TOX4: variants seen among roughly 807,000 people sequenced by gnomAD.
TOX4 encodes TOX high mobility group box family member 4, also known as epidermal Langerhans cell protein LCP1.
A neutral mutation model predicts 61.0 loss-of-function variants in TOX4; 12 were observed. That is an observed-to-expected ratio of 0.20 (90% CI 0.13 to 0.32). TOX4 has a LOEUF of 0.32. Ranked by LOEUF, TOX4 falls within the 10% of genes least tolerant of loss-of-function variation. The pLI, the probability that TOX4 is intolerant of heterozygous loss-of-function variation, is 1.00. For synonymous variants in TOX4, 268 were observed against 274.8 expected, an observed-to-expected ratio of 0.98 and a Z score of 0.24; for missense variants, 499 against 753.3, an observed-to-expected ratio of 0.66 and a Z score of 3.95.
rs1265013237 is a variant in TOX4 at position 21,496,834 on chromosome 14, A to G, written c.*228A>G. On this transcript the variant is annotated 3_prime_UTR_variant, in exon 9 of 9. Coordinates refer to ENST00000448790, the MANE Select transcript of TOX4 (RefSeq NM_014828.4). ...ACTTTCAACCATAAGCGGTAATAGC[A>G]GAGGAAAGGGTGAAGGGAGTCTGGG... 2.0e-6 allele frequency: 1 copy of G among 493,834 alleles called. No individual in the cohort carries two copies. Among genetic ancestry groups the G allele is most frequent in the African/African-American group, 2.0e-5 (1 of 51,260 alleles). 30.6% of individuals were successfully genotyped at this position (493,834 alleles called of 1,614,324 possible). A position where few individuals can be genotyped will look rare whatever the true frequency, so the allele number is the denominator to read the frequency against.
At chr14:21,481,570 CT>C (rs1298060086) in intron 2 of TOX4, among the ~76,000 whole-genome samples, 4 of 152,206 alleles carry the variant, frequency 2.6e-5, no homozygotes, top group Non-Finnish European at 1.5e-5. Context: ...ACATGCCCCC[CT>C]AACCTATGAC....
In TOX4 at chr14:21,498,179, G is replaced by A; in HGVS notation, c.*1573G>A. 2.4e-6 allele frequency: 2 copies of A among 830,746 alleles called. No individual in the cohort carries two copies. The highest frequency in any genetic ancestry group is 1.5e-5 in the South Asian group (1 of 67,670). The allele number at this position is 830,746 out of a possible 1,614,324, so 51.5% of individuals were successfully genotyped here. A position where few individuals can be genotyped will look rare whatever the true frequency, so the allele number is the denominator to read the frequency against. ...AATGTTTATTTAAATAAAGAAGAAA[G>A]CTATTGTACAAATATCACTCTTCAG... On this transcript the variant is annotated 3_prime_UTR_variant, in exon 9 of 9. Transcript: ENST00000448790.
At chr14:21,478,802 T>C (rs1405658930) in intron 2 of TOX4, among the ~76,000 whole-genome samples, 1 of 151,632 alleles carries the variant, frequency 6.6e-6, no homozygotes, top group African/African-American at 2.4e-5. Context: ...TAGTTTAACT[T>C]TTTTTTTCTT....
intron 2 of TOX4, among the ~76,000 whole-genome samples, chr14:21,480,756 T>C (rs1037425532): frequency 1.3e-5 from 2 of 152,180 alleles, no homozygotes; most frequent in Non-Finnish European, 2.9e-5. Flanking sequence ...ATTCAGAATA[T>C]ATCAAGTACT....
In TOX4 at chr14:21,496,858, G is replaced by T; in HGVS notation, c.*252G>T. ...CAGAGGAAAGGGTGAAGGGAGTCTG[G>T]GCAAGCAAAGCATAGAGATGGTGGG... On this transcript the variant is annotated 3_prime_UTR_variant, in exon 9 of 9. Coordinates refer to ENST00000448790, the MANE Select transcript of TOX4 (RefSeq NM_014828.4). 4.8e-6 allele frequency: 2 copies of T among 419,852 alleles called. No homozygotes were observed. Among genetic ancestry groups the T allele is most frequent in the Admixed American group, 4.1e-5 (1 of 24,540 alleles). The allele number at this position is 419,852 out of a possible 1,614,324, so 26.0% of individuals were successfully genotyped here. A position where few individuals can be genotyped will look rare whatever the true frequency, so the allele number is the denominator to read the frequency against.
chr14:21,498,388 AG>A lies in TOX4; in HGVS notation c.*1786del. On this transcript the variant is annotated 3_prime_UTR_variant, in exon 9 of 9. Transcript: ENST00000448790. ...GGTGATCCTGAAACAGTGTAAAAGG[AG>A]GGGCAAACCAGAAATCCTGGAATTA... The A allele has an allele frequency of 6.2e-7, 1 of 1,612,362 alleles. No homozygotes were observed. The highest frequency in any genetic ancestry group is 8.5e-7 in the Non-Finnish European group (1 of 1,179,314).
chr14:21,478,410 T>C (rs1202170284), intron 2 of TOX4, among the ~76,000 whole-genome samples: 1 of 152,264 alleles, frequency 6.6e-6, no homozygotes, highest in African/African-American at 2.4e-5. Context: ...ACTTCATCTT[T>C]GTATGTCACA....
chr14:21,483,654 G>A (rs61973220), intron 2 of TOX4, among the ~76,000 whole-genome samples: 39,974 of 151,336 alleles, frequency 0.26, 5,457 homozygotes, highest in Middle Eastern at 0.34. Flanking sequence ...CAGCCTGGGC[G>A]ACAGGGTAAG....
intron 7 of TOX4, among the ~76,000 whole-genome samples, chr14:21,494,029 G>A (rs972695880): frequency 3.3e-5 from 5 of 152,136 alleles, no homozygotes; most frequent in Non-Finnish European, 7.4e-5. Context: ...GATTACAGGC[G>A]TGAGCCACCG....
intron 2 of TOX4, among the ~76,000 whole-genome samples, chr14:21,480,615 C>T (rs1319017541): frequency 6.6e-6 from 1 of 151,926 alleles, no homozygotes; most frequent in East Asian, 1.9e-4. Flanking sequence ...ATAAAAAGTT[C>T]TAACCATTAA....
At chr14:21,479,085 A>G (rs574276622) in intron 2 of TOX4, among the ~76,000 whole-genome samples, 1 of 150,836 alleles carries the variant, frequency 6.6e-6, no homozygotes, top group East Asian at 2.0e-4. Context: ...TGCTAGGATT[A>G]CAGGCATGAG....
chr14:21,498,936 GTGTAAAACAA>G lies in TOX4; in HGVS notation c.*2334_*2343del, dbSNP rs1891483059. On this transcript the variant is annotated 3_prime_UTR_variant, in exon 9 of 9. Transcript: ENST00000448790. ...TCCTGTGAAGCTCATTTATGGACTA[GTGTAAAACAA>G]TGTGAAGCTCTACTAAGTTCTGTCC... 1.2e-6 allele frequency: 1 copy of G among 868,206 alleles called. No individual in the cohort carries two copies. The highest frequency in any genetic ancestry group is 1.9e-6 in the Non-Finnish European group (1 of 519,026). The allele number at this position is 868,206 out of a possible 1,614,324, so 53.8% of individuals were successfully genotyped here. A position where few individuals can be genotyped will look rare whatever the true frequency, so the allele number is the denominator to read the frequency against.
At chr14:21,487,956 T>A in intron 3 of TOX4, 1 of 318,888 alleles carries the variant, frequency 3.1e-6, no homozygotes, top group South Asian at 9.0e-5. Context: ...TTTTCTGCTT[T>A]TATTATGGCC....
At chr14:21,482,538 A>G in intron 2 of TOX4, 1 of 465,520 alleles carries the variant, frequency 2.1e-6, no homozygotes, top group South Asian at 1.6e-5. Context: ...TATAAACTGT[A>G]ATTCCCAAAC....
At chr14:21,488,027 A>G (rs1382884945) in intron 3 of TOX4, 1 of 191,648 alleles carries the variant, frequency 5.2e-6, no homozygotes, top group Non-Finnish European at 1.1e-5. Flanking sequence ...TTTATTCAAA[A>G]ATGGCCTGAA....
chr14:21,492,276 T>G lies in TOX4; in HGVS notation c.811-20T>G, dbSNP rs1594430779. On this transcript the variant is annotated intron_variant, in intron 5 of 8. Transcript: ENST00000448790. ...AGTATGGGGAGTTTTGTTTTTTTTT[T>G]TAAAGTCTCTTTTTTGCAGGTATAT... 1 of 1,593,610 alleles carries G rather than the reference T, an allele frequency of 6.3e-7. No homozygotes were observed.
intron 2 of TOX4, 36 bp from the exon 3 acceptor site, chr14:21,487,415 T>C (rs781152563): frequency 6.2e-7 from 1 of 1,604,182 alleles, no homozygotes; most frequent in South Asian, 1.1e-5. Context: ...TTTCTCCTCT[T>C]TTCACTAATT....
At position 21,477,244 on chromosome 14, in the gene TOX4, T is replaced by C. The variant is rs759614579; in HGVS notation, c.-35T>C. On this transcript the variant is annotated 5_prime_UTR_variant, in exon 1 of 9. It removes an upstream start codon present in the reference 5' UTR. Coordinates refer to ENST00000448790, the MANE Select transcript of TOX4 (RefSeq NM_014828.4). Reference sequence around the variant, plus strand: ...AGTCCAGTGGGGGCGGTGGGAGCGATGAGGGTCTGAGACGGTGGGAGCGGT... The same window carrying C: ...AGTCCAGTGGGGGCGGTGGGAGCGACGAGGGTCTGAGACGGTGGGAGCGGT... The C allele has an allele frequency of 2.5e-6, 4 of 1,613,632 alleles. No individual in the cohort carries two copies. The highest frequency in any genetic ancestry group is 3.4e-6 in the Non-Finnish European group (4 of 1,179,828).
chr14:21,488,646 T>G lies in TOX4; in HGVS notation c.375T>G (p.Asp125Glu). The G allele has an allele frequency of 1.2e-6, 2 of 1,614,178 alleles. No homozygotes were observed. Among genetic ancestry groups the G allele is most frequent in the Non-Finnish European group, 1.7e-6 (2 of 1,180,032 alleles). Residue 125 changes from aspartate (D) to glutamate (E), a missense_variant, in exon 4 of 9, where the codon GAT (aspartate) becomes GAG (glutamate). Physicochemically the swap from Asp to Glu is conservative, Grantham distance 45. Coordinates refer to ENST00000448790, the MANE Select transcript of TOX4 (RefSeq NM_014828.4). ...QYSANPPVTI[D>E]VPMTDMTSGL... The stretch of plus-strand genomic sequence containing the variant: ...GTGCCAACCCACCTGTTACAATTGA[T>G]GTACCAATGACAGACATGACATCTG...
Sources: allele counts gnomAD v4.1 joint callset (sites outside exome capture counted in the v4.1 genomes callset), GRCh38; gene constraint gnomAD v4.1.1; transcripts MANE v1.5; gene names NCBI Gene and HGNC (gene_info 2026-07-23, HGNC 2026-07-21).